Variants in LY86 observed in about 807,000 individuals in gnomAD.
LY86 encodes the protein lymphocyte antigen 86, also known as MD-1, RP105-associated.
In LY86, 20 loss-of-function variants were observed where a neutral mutation model predicts 17.3. That is an observed-to-expected ratio of 1.15 (90% CI 0.81 to 1.68). The LOEUF is 1.68. LY86 is among the 40% of genes most tolerant of loss of function. The pLI, the probability that LY86 is intolerant of heterozygous loss-of-function variation, is 0.00. For missense variants in LY86, 200 were observed against 191.9 expected (o/e 1.04, Z -0.25); for synonymous variants, 74 against 70.6 (o/e 1.05, Z -0.24).
intron 1 of LY86, among the ~76,000 whole-genome samples, chr6:6,594,673 C>A (rs1010505298): frequency 3.3e-5 from 5 of 152,134 alleles, no homozygotes; most frequent in African/African-American, 1.2e-4. Context: ...CAATGGTAAA[C>A]CCACCATGAT....
At chr6:6,637,153 G>C (rs899361151) in intron 3 of LY86, among the ~76,000 whole-genome samples, 6 of 151,836 alleles carry the variant, frequency 4.0e-5, no homozygotes, top group Non-Finnish European at 8.8e-5. Context: ...GCTGGGACTA[G>C]AGGCGCCCGC....
Position 6,588,841 on chromosome 6 carries a change from G to T in LY86, c.107G>T (p.Ser36Ile), listed in dbSNP as rs1361627662. 6.2e-7 allele frequency: 1 copy of T among 1,614,130 alleles called. No homozygotes were observed. The stretch of plus-strand genomic sequence containing the variant: ...CCCACACACGTGGTCTGTAGCGACA[G>T]CGGCTTGGAAGTGCTCTACCAGAGT... ...AWPTHVVCSD[S>I]GLEVLYQSCD... Residue 36 changes from serine (S) to isoleucine (I), a missense_variant, in exon 1 of 5, where the codon AGC (serine) becomes ATC (isoleucine). By Grantham distance (142) the Ser-to-Ile change is moderately radical. Transcript: ENST00000230568.
chr6:6,597,093 G>C (rs2294459), intron 1 of LY86, among the ~76,000 whole-genome samples: 50,563 of 152,186 alleles, frequency 0.33, 10,334 homozygotes, highest in Non-Finnish European at 0.46. Context: ...TATTTTTGTA[G>C]AAACTACAGC....
chr6:6,638,584 A>G (rs1407870823), intron 3 of LY86, among the ~76,000 whole-genome samples: 1 of 137,940 alleles, frequency 7.2e-6, no homozygotes, highest in Non-Finnish European at 1.6e-5. Context: ...GATGGCGTAG[A>G]CACAGAACAT....
intron 1 of LY86, among the ~76,000 whole-genome samples, chr6:6,604,111 G>T (rs932775817): frequency 6.6e-6 from 1 of 152,180 alleles, no homozygotes; most frequent in South Asian, 2.1e-4. Context: ...AGGCATATAG[G>T]CAGAAGGAAA....
chr6:6,605,686 G>A (rs567807385), intron 1 of LY86, among the ~76,000 whole-genome samples: 24 of 152,212 alleles, frequency 1.6e-4, no homozygotes, highest in Admixed American at 1.2e-3. Flanking sequence ...TTCATCTCAC[G>A]GACTTAAAGA....
chr6:6,651,929 G>A (rs1364046738), intron 4 of LY86, among the ~76,000 whole-genome samples: 2 of 151,672 alleles, frequency 1.3e-5, no homozygotes, highest in South Asian at 4.2e-4. Context: ...GGTGGTGCAC[G>A]CCTGTAATCG....
At chr6:6,596,648 G>A (rs1348762991) in intron 1 of LY86, among the ~76,000 whole-genome samples, 3 of 152,176 alleles carry the variant, frequency 2.0e-5, no homozygotes, top group Non-Finnish European at 4.4e-5. Flanking sequence ...AATTTAAAGA[G>A]AGGAAGTTGA....
intron 3 of LY86, among the ~76,000 whole-genome samples, chr6:6,637,263 G>A (rs1280930350): frequency 6.6e-6 from 1 of 151,940 alleles, no homozygotes; most frequent in South Asian, 2.1e-4. Flanking sequence ...AGCCCACCTC[G>A]GCCTCCCAAA....
At chr6:6,633,568 G>A (rs1203689833) in intron 3 of LY86, among the ~76,000 whole-genome samples, 2 of 151,968 alleles carry the variant, frequency 1.3e-5, no homozygotes, top group East Asian at 1.9e-4. Flanking sequence ...CTATTTTTCC[G>A]ATGCTCTCCC....
At position 6,588,831 on chromosome 6, in the gene LY86, TG is replaced by T. The variant is rs1257550816; in HGVS notation, c.98del (p.Cys33LeufsTer30). The stretch of plus-strand genomic sequence containing the variant: ...GAAAGCCTGGCCCACACACGTGGTC[TG>T]TAGCGACAGCGGCTTGGAAGTGCTC... ...GGKAWPTHVV[C>X]SDSGLEVLYQ... On this transcript the variant is annotated frameshift_variant, in exon 1 of 5. Coordinates refer to ENST00000230568, the MANE Select transcript of LY86 (RefSeq NM_004271.4). LOFTEE classifies it high-confidence loss of function. 2.5e-6 allele frequency: 4 copies of T among 1,614,044 alleles called. No individual in the cohort carries two copies. The African/African-American group carries it at 5.3e-5, about 22-fold the overall frequency.
intron 1 of LY86, among the ~76,000 whole-genome samples, chr6:6,619,827 CAG>C (rs925656139): frequency 6.6e-5 from 10 of 151,454 alleles, no homozygotes; most frequent in African/African-American, 2.2e-4. Flanking sequence ...AAAAGAGAAA[CAG>C]AGAGAGAGAA....
In LY86 at chr6:6,626,438, G is replaced by C. The variant is rs1262318053; in HGVS notation, c.352+17G>C. On this transcript the variant is annotated intron_variant, in intron 3 of 4. Transcript: ENST00000230568. ...GGAAAGGAGGTAAGCCATCTGTCTTGCTCACTGCTGGCAGGGGCCTGCAGA... is the reference window on the plus strand; with the variant it reads ...GGAAAGGAGGTAAGCCATCTGTCTTCCTCACTGCTGGCAGGGGCCTGCAGA... 2 of 1,612,560 alleles carry C rather than the reference G, an allele frequency of 1.2e-6. No individual in the cohort carries two copies. Among genetic ancestry groups the C allele is most frequent in the Non-Finnish European group, 1.7e-6 (2 of 1,179,826 alleles).
chr6:6,609,923 T>C (rs926456165), intron 1 of LY86, among the ~76,000 whole-genome samples: 12 of 152,186 alleles, frequency 7.9e-5, no homozygotes, highest in African/African-American at 2.7e-4. Flanking sequence ...GCCCTGAACA[T>C]TGCAAGAAAC....
At chr6:6,588,972 G>C in intron 1 of LY86, 102 bp downstream of exon 1, 8 of 1,415,364 alleles carry the variant, frequency 5.7e-6, no homozygotes, top group Non-Finnish European at 7.6e-6. Flanking sequence ...GGGGAGAGGG[G>C]ACCAGCAGCT....
At chr6:6,642,002 G>A (rs920372784) in intron 3 of LY86, among the ~76,000 whole-genome samples, 8 of 152,238 alleles carry the variant, frequency 5.3e-5, no homozygotes, top group Non-Finnish European at 1.0e-4. Flanking sequence ...TCACATCCCT[G>A]CACTTCCCAG....
intron 3 of LY86, among the ~76,000 whole-genome samples, chr6:6,637,000 A>G (rs1761968540): frequency 1.6e-5 from 2 of 123,134 alleles, no homozygotes; most frequent in African/African-American, 6.0e-5. Flanking sequence ...AAGGAAGCAT[A>G]TTGGTTTTTT....
chr6:6,635,667 G>A (rs538097898), intron 3 of LY86, among the ~76,000 whole-genome samples: 16 of 152,028 alleles, frequency 1.1e-4, no homozygotes, highest in Non-Finnish European at 1.9e-4. Flanking sequence ...TTCCATCCCC[G>A]CACTTCATTC....
At position 6,654,746 on chromosome 6, in the gene LY86, C is replaced by T. The variant is rs778065140; in HGVS notation, c.*119C>T. The T allele has an allele frequency of 1.6e-5, 13 of 823,680 alleles. No individual in the cohort carries two copies. The highest frequency in any genetic ancestry group is 2.0e-5 in the Non-Finnish European group (10 of 508,294). 51.0% of individuals were successfully genotyped at this position (823,680 alleles called of 1,614,324 possible). ...GACAGAGAGAGGCTCTACAAAGAAG[C>T]GCCCCCAAAGAGTGCAGCTGCTAAT... On this transcript the variant is annotated 3_prime_UTR_variant, in exon 5 of 5. Transcript: ENST00000230568.
Sources: allele counts gnomAD v4.1 joint callset (sites outside exome capture counted in the v4.1 genomes callset), GRCh38; gene constraint gnomAD v4.1.1; transcripts MANE v1.5; gene names NCBI Gene and HGNC (gene_info 2026-07-23, HGNC 2026-07-21).